Variants in MALT1 observed in about 807,000 individuals in gnomAD.
MALT1 encodes the protein MALT1 paracaspase.
In MALT1, 36 loss-of-function variants were observed where a neutral mutation model predicts 85.5. The ratio of observed to expected loss-of-function variants is 0.42; its 90% CI spans 0.32 to 0.56. MALT1 has a LOEUF of 0.56. MALT1 is among the 20% of genes least tolerant of loss of function. MALT1 has a pLI of 0.10. For synonymous variants in MALT1, 359 were observed against 361.3 expected (o/e 0.99, Z 0.07); for missense variants, 716 against 981.6 (o/e 0.73, Z 3.62).
chr18:58,676,979 T>TA (rs1170634527), intron 1 of MALT1, among the ~76,000 whole-genome samples: 4 of 152,178 alleles, frequency 2.6e-5, no homozygotes, highest in Non-Finnish European at 2.9e-5. Flanking sequence ...TTTTTAAAGA[T>TA]AAAAATAGAG....
chr18:58,735,583 G>A (rs1196189599), intron 13 of MALT1, among the ~76,000 whole-genome samples: 1 of 151,954 alleles, frequency 6.6e-6, no homozygotes, highest in East Asian at 1.9e-4. Flanking sequence ...GCTAAGCCTC[G>A]GCACAGTCAT....
chr18:58,725,129 CAAAAA>C (rs60468299), intron 10 of MALT1, among the ~76,000 whole-genome samples: 1 of 118,442 alleles, frequency 8.4e-6, no homozygotes. Flanking sequence ...GACTCCGTCT[CAAAAA>C]AAAAAAAAAT....
At position 58,724,370 on chromosome 18, in the gene MALT1, C is replaced by A. The variant is rs947628942; in HGVS notation, c.1222+1119C>A. The stretch of plus-strand genomic sequence containing the variant: ...CAAATGAAGTTAACAAGGTAAACAC[C>A]TCAAATGTGAGATTTCAGCTATTAT... On this transcript the variant is annotated intron_variant, in intron 10 of 16. Transcript: ENST00000649217. Among the ~76,000 whole-genome samples the A allele has an allele frequency of 2.6e-5, 4 of 152,090 alleles. No homozygotes were observed. In the South Asian group the frequency reaches 6.2e-4, roughly 24 times the overall value.
chr18:58,709,722 TTGCTAAAG>T (rs1312141532), intron 5 of MALT1, among the ~76,000 whole-genome samples, 166 bp downstream of exon 5: 1 of 152,238 alleles, frequency 6.6e-6, no homozygotes, highest in African/African-American at 2.4e-5. Context: ...GCTCTTATAT[TTGCTAAAG>T]TGCTAGAATT....
intron 4 of MALT1, among the ~76,000 whole-genome samples, chr18:58,709,101 T>C (rs945320447): frequency 6.6e-6 from 1 of 152,246 alleles, no homozygotes. Context: ...CTCTCCTTAA[T>C]TGACAATTCA....
At chr18:58,692,407 C>CCTCCCTCT (rs2054519551) in intron 2 of MALT1, among the ~76,000 whole-genome samples, 2 of 130,360 alleles carry the variant, frequency 1.5e-5, no homozygotes, top group Non-Finnish European at 3.2e-5. Context: ...ACTGGCCATT[C>CCTCCCTCT]CTCTCTCTCT....
At chr18:58,702,642 C>A (rs1005334009) in intron 4 of MALT1, among the ~76,000 whole-genome samples, 2 of 152,210 alleles carry the variant, frequency 1.3e-5, no homozygotes, top group African/African-American at 4.8e-5. Context: ...TCTTGCTGCT[C>A]ACTTTTCAAT....
At chr18:58,718,872 G>C (rs149036756) in intron 9 of MALT1, among the ~76,000 whole-genome samples, 1 of 152,114 alleles carries the variant, frequency 6.6e-6, no homozygotes, top group Non-Finnish European at 1.5e-5. Context: ...TTTCAAGGAC[G>C]AATTGGGAGC....
chr18:58,719,489 G>A (rs564369665), intron 9 of MALT1, among the ~76,000 whole-genome samples: 21 of 152,154 alleles, frequency 1.4e-4, no homozygotes, highest in African/African-American at 4.8e-4. Flanking sequence ...CCATGTAGCT[G>A]TTTTCTTTAT....
chr18:58,716,370 G>C (rs1035848540), intron 9 of MALT1, among the ~76,000 whole-genome samples: 8 of 152,216 alleles, frequency 5.3e-5, no homozygotes, highest in Middle Eastern at 3.2e-3. Context: ...AAGAATTTAG[G>C]ATAAAATGTA....
chr18:58,671,927 T>G, intron 1 of MALT1, 75 bp downstream of exon 1: 1 of 1,023,162 alleles, frequency 9.8e-7, no homozygotes, highest in Non-Finnish European at 1.2e-6. Context: ...GGGGGCGCTG[T>G]CGGTGGGGCT....
intron 9 of MALT1, among the ~76,000 whole-genome samples, chr18:58,720,958 ACT>A (rs530775994): frequency 1.5e-3 from 236 of 152,300 alleles, no homozygotes; most frequent in Non-Finnish European, 2.9e-3. Context: ...TGAGTCTGTC[ACT>A]CTGTTGAGGT....
intron 1 of MALT1, chr18:58,673,979 C>T (rs2054204326): frequency 6.6e-6 from 1 of 151,812 alleles, no homozygotes; most frequent in Non-Finnish European, 1.5e-5. Flanking sequence ...ATGCTAGGTA[C>T]ATAAAATTTT....
chr18:58,710,861 G>A (rs1330121567), intron 6 of MALT1, 60 bp from the exon 7 acceptor site: 26 of 1,140,484 alleles, frequency 2.3e-5, no homozygotes, highest in South Asian at 2.7e-5. Context: ...TTTGCTTGAC[G>A]GCTGCCCTTC....
In MALT1 at chr18:58,744,475, T is replaced by A; in HGVS notation, c.1891T>A (p.Tyr631Asn). The change falls in exon 15 of 17, where the codon TAC (tyrosine) becomes AAC (asparagine). Residue 631 changes from tyrosine (Y) to asparagine (N), a missense_variant. Around this residue, in one of 4 missense-constraint regions of MALT1, gnomAD observed 260 missense variants for 323.7 expected, o/e 0.80. Coordinates refer to ENST00000649217, the MANE Select transcript of MALT1 (RefSeq NM_006785.4). ...ACCGGAGATAATAATGTGTGATGCC[T>A]ACGTTACTGATTTTCCACTTGTGAG... The part of the protein sequence containing the change: ...KPPEIIMCDA[Y>N]VTDFPLDLDI... 1 of 1,602,170 alleles carries A rather than the reference T, an allele frequency of 6.2e-7. No individual in the cohort carries two copies. The highest frequency in any genetic ancestry group is 8.5e-7 in the Non-Finnish European group (1 of 1,173,904).
At chr18:58,701,183 G>A (rs78184444) in intron 4 of MALT1, among the ~76,000 whole-genome samples, 8,032 of 152,022 alleles carry the variant, frequency 0.053, 344 homozygotes, top group East Asian at 0.22. Flanking sequence ...GGATGACATA[G>A]ACAGGCCTCA....
intron 7 of MALT1, among the ~76,000 whole-genome samples, chr18:58,712,327 CATTTT>C (rs2144395007): frequency 6.6e-6 from 1 of 152,100 alleles, no homozygotes; most frequent in African/African-American, 2.4e-5. Flanking sequence ...TCCTCTATTT[CATTTT>C]GTGTATTTTA....
Position 58,751,457 on chromosome 18 carries a change from G to A in MALT1, c.*3615G>A, listed in dbSNP as rs2055445274. The A allele has an allele frequency of 1.3e-5, 2 of 151,842 alleles. No homozygotes were observed. Among genetic ancestry groups the A allele is most frequent in the African/African-American group, 4.8e-5 (2 of 41,320 alleles). The allele number at this position is 151,842 out of a possible 1,614,324, so 9.4% of individuals were successfully genotyped here. On this transcript the variant is annotated 3_prime_UTR_variant, in exon 17 of 17. Coordinates refer to ENST00000649217, the MANE Select transcript of MALT1 (RefSeq NM_006785.4). ...GCCCAGGCTGGAGTGCAGCGACATA[G>A]TCTCAGCTCACTGCAGCATCCGTGG...
intron 2 of MALT1, among the ~76,000 whole-genome samples, chr18:58,691,872 C>A (rs1447006370): frequency 2.1e-4 from 28 of 134,776 alleles, no homozygotes; most frequent in African/African-American, 3.0e-4. Context: ...GACTCCGTCT[C>A]AAAAAAAAAA....
Sources: gnomAD v4.1 joint callset for allele counts (sites outside exome capture counted in the v4.1 genomes callset) on GRCh38, gnomAD v4.1.1 for gene constraint, gnomAD v4.1.1 regional missense constraint, MANE v1.5 for transcripts, NCBI Gene and HGNC (gene_info 2026-07-23, HGNC 2026-07-21) for gene names.